The following OR1B1 variants were observed in gnomAD, a reference collection of about 807,000 sequenced individuals.
OR1B1 encodes the protein olfactory receptor family 1 subfamily B member 1.
For missense variants in OR1B1, 414 were observed against 402.1 expected (o/e 1.03, Z -0.25); for synonymous variants, 168 against 156.2 (o/e 1.08, Z -0.57).
the OR1B1 span, among the ~76,000 whole-genome samples, chr9:122,652,752 C>CT: frequency 9.2e-5 from 14 of 152,026 alleles, no homozygotes; most frequent in African/African-American, 3.4e-4. Flanking sequence ...ATAACTTCAG[C>CT]TCCAGATGAT....
chr9:122,628,595 A>C (rs1556189), exon 1 of OR1B1: 1,315,360 of 1,607,076 alleles, frequency 0.82, 540,831 homozygotes, highest in East Asian at 0.96. Flanking sequence ...GTCTACCTTC[A>C]CCCATTCAAG....
chr9:122,630,087 T>TGTA (rs1564219550), upstream of OR1B1, among the ~76,000 whole-genome samples: 1 of 152,190 alleles, frequency 6.6e-6, no homozygotes, highest in Non-Finnish European at 1.5e-5. Context: ...GATGTCCACT[T>TGTA]TTACCACTCC....
At chr9:122,648,859 C>T in the OR1B1 span, among the ~76,000 whole-genome samples, 2 of 152,268 alleles carry the variant, frequency 1.3e-5, no homozygotes, top group South Asian at 2.1e-4. Flanking sequence ...CTATCCCCAT[C>T]GACCTACCAT....
chr9:122,628,358 G>T (rs185412412), downstream of OR1B1, among the ~76,000 whole-genome samples: 2 of 152,282 alleles, frequency 1.3e-5, no homozygotes, highest in East Asian at 3.9e-4. Context: ...AAGGCCTGAT[G>T]GAGGGTGCCC....
chr9:122,633,877 T>G (rs111601594), upstream of OR1B1, among the ~76,000 whole-genome samples: 15 of 131,278 alleles, frequency 1.1e-4, 1 homozygote, highest in African/African-American at 4.4e-4. Flanking sequence ...TGCTGTGAGC[T>G]GAGATCACAC....
At chr9:122,635,702 T>C in the OR1B1 span, among the ~76,000 whole-genome samples, 1 of 152,122 alleles carries the variant, frequency 6.6e-6, no homozygotes. Context: ...AGAGGCAATA[T>C]TGAAGAGACA....
At chr9:122,657,464 G>A in the OR1B1 span, among the ~76,000 whole-genome samples, 1 of 152,150 alleles carries the variant, frequency 6.6e-6, no homozygotes. Flanking sequence ...ATGTTTCCCA[G>A]CTAAGGACTG....
At chr9:122,649,579 G>A in the OR1B1 span, among the ~76,000 whole-genome samples, 2,292 of 152,270 alleles carry the variant, frequency 0.015, 56 homozygotes, top group African/African-American at 0.053. Context: ...CCATCAAAAA[G>A]TGGGCAAAGG....
the OR1B1 span, among the ~76,000 whole-genome samples, chr9:122,637,650 G>T: frequency 6.6e-6 from 1 of 152,048 alleles, no homozygotes; most frequent in Non-Finnish European, 1.5e-5. Context: ...TTTCTTTAAG[G>T]CCTTAAGTAA....
At chr9:122,635,374 A>G in the OR1B1 span, among the ~76,000 whole-genome samples, 1 of 152,208 alleles carries the variant, frequency 6.6e-6, no homozygotes, top group Non-Finnish European at 1.5e-5. Flanking sequence ...CGGGGAAGGG[A>G]AAAAATGAGT....
chr9:122,649,497 T>G, the OR1B1 span, among the ~76,000 whole-genome samples: 1 of 152,144 alleles, frequency 6.6e-6, no homozygotes, highest in African/African-American at 2.4e-5. Context: ...TTTTGCAATC[T>G]ATCCATCTGA....
the OR1B1 span, among the ~76,000 whole-genome samples, chr9:122,644,412 T>C: frequency 6.6e-6 from 1 of 152,366 alleles, no homozygotes; most frequent in South Asian, 2.1e-4. Flanking sequence ...GGACTTTGAA[T>C]AGTGGTTTGA....
upstream of OR1B1, chr9:122,629,697 G>A: frequency 1.9e-6 from 1 of 539,098 alleles, no homozygotes; most frequent in Non-Finnish European, 3.3e-6. Flanking sequence ...CTAAGGTCTA[G>A]GATTTCGCTT....
the OR1B1 span, among the ~76,000 whole-genome samples, chr9:122,635,025 T>A: frequency 5.8e-4 from 89 of 152,306 alleles, no homozygotes; most frequent in Admixed American, 8.5e-4. Flanking sequence ...ATCCCTCTCC[T>A]GGGTATACAC....
chr9:122,640,407 T>C, the OR1B1 span, among the ~76,000 whole-genome samples: 1 of 152,050 alleles, frequency 6.6e-6, no homozygotes, highest in Non-Finnish European at 1.5e-5. Flanking sequence ...CAGTTCTTGT[T>C]GAAAATACAA....
chr9:122,629,641 G>C, upstream of OR1B1: 1 of 696,548 alleles, frequency 1.4e-6, no homozygotes, highest in South Asian at 2.2e-5. Flanking sequence ...CGTTACTAAA[G>C]ATCGTTAAAG....
chr9:122,643,997 T>A, the OR1B1 span, among the ~76,000 whole-genome samples: 505 of 152,202 alleles, frequency 3.3e-3, 3 homozygotes, highest in African/African-American at 0.012. Context: ...CTCTGAGACA[T>A]GCTGGCTTCA....
chr9:122,631,951 T>C (rs1342988841), upstream of OR1B1, among the ~76,000 whole-genome samples: 1 of 151,974 alleles, frequency 6.6e-6, no homozygotes, highest in Non-Finnish European at 1.5e-5. Context: ...ATTTACAAAA[T>C]ACATACAATT....
the OR1B1 span, among the ~76,000 whole-genome samples, chr9:122,644,203 C>G: frequency 6.6e-6 from 1 of 152,138 alleles, no homozygotes; most frequent in Non-Finnish European, 1.5e-5. Context: ...ATTTCTGGAC[C>G]TGCTCTGGGC....
Sources: allele counts gnomAD v4.1 joint callset (sites outside exome capture counted in the v4.1 genomes callset), GRCh38; gene constraint gnomAD v4.1.1; transcripts MANE v1.5; gene names NCBI Gene and HGNC (gene_info 2026-07-23, HGNC 2026-07-21).